The following CDH12 variants were observed in gnomAD, a reference collection of about 807,000 sequenced individuals.
The protein encoded by CDH12 is cadherin 12, also known as cadherin-12.
A neutral mutation model predicts 74.1 loss-of-function variants in CDH12; 41 were observed. The ratio of observed to expected loss-of-function variants is 0.55; its 90% CI spans 0.43 to 0.72. The LOEUF is 0.72. CDH12 is among the 30% of genes least tolerant of loss of function. The pLI is 0.00. For synonymous variants in CDH12, 399 were observed against 355.0 expected (o/e 1.12, Z -1.39); for missense variants, 945 against 977.2 (o/e 0.97, Z 0.44).
intron 4 of CDH12, among the ~76,000 whole-genome samples, chr5:22,125,957 ATTG>A: frequency 1.6e-5 from 1 of 62,398 alleles, no homozygotes; most frequent in East Asian, 6.6e-4. Flanking sequence ...TTTCACTTTC[ATTG>A]TTTTTTTTTT....
chr5:22,512,135 T>C (rs369580285), intron 1 of CDH12, among the ~76,000 whole-genome samples: 1 of 152,136 alleles, frequency 6.6e-6, no homozygotes, highest in East Asian at 1.9e-4. Flanking sequence ...TATAGATACA[T>C]AAGTATTAGA....
chr5:21,913,489 G>A (rs1198616956), intron 6 of CDH12, among the ~76,000 whole-genome samples: 1 of 152,064 alleles, frequency 6.6e-6, no homozygotes, highest in African/African-American at 2.4e-5. Flanking sequence ...CTGTCCGGGT[G>A]CTTAATTCAC....
chr5:21,919,763 A>G (rs1297829859), intron 6 of CDH12, among the ~76,000 whole-genome samples: 2 of 152,152 alleles, frequency 1.3e-5, no homozygotes. Flanking sequence ...ATTAATTAAT[A>G]TTGTAGTTAC....
At chr5:22,231,547 T>C (rs916468446) in intron 3 of CDH12, among the ~76,000 whole-genome samples, 7 of 152,044 alleles carry the variant, frequency 4.6e-5, no homozygotes, top group Non-Finnish European at 1.0e-4. Flanking sequence ...ATTTAGTAGG[T>C]ACCAAGAGAT....
At chr5:22,743,538 C>T (rs1745141832) in intron 1 of CDH12, among the ~76,000 whole-genome samples, 1 of 151,876 alleles carries the variant, frequency 6.6e-6, no homozygotes, top group African/African-American at 2.4e-5. Context: ...TTTTAGCATT[C>T]TCATTTGTAA....
At chr5:22,024,753 A>T (rs1457921949) in intron 5 of CDH12, among the ~76,000 whole-genome samples, 1 of 152,092 alleles carries the variant, frequency 6.6e-6, no homozygotes, top group African/African-American at 2.4e-5. Context: ...ACCTCAAGTG[A>T]TCCACCTGCC....
At chr5:21,878,963 G>GA (rs2150028555) in intron 6 of CDH12, among the ~76,000 whole-genome samples, 1 of 148,118 alleles carries the variant, frequency 6.8e-6, no homozygotes, top group East Asian at 2.0e-4. Flanking sequence ...AGGGAGGGAG[G>GA]AAAAAAAGAA....
intron 2 of CDH12, among the ~76,000 whole-genome samples, chr5:22,498,800 TA>T (rs1394044884): frequency 6.6e-6 from 1 of 151,356 alleles, no homozygotes; most frequent in Non-Finnish European, 1.5e-5. Context: ...TAAATCAAAC[TA>T]ATTATTTTCA....
chr5:22,585,157 G>C (rs1335574769), intron 1 of CDH12, among the ~76,000 whole-genome samples: 1 of 152,124 alleles, frequency 6.6e-6, no homozygotes, highest in African/African-American at 2.4e-5. Flanking sequence ...CGTTGTTTTT[G>C]AAAGAGTTTG....
chr5:22,647,055 G>A (rs1037778167), intron 1 of CDH12, among the ~76,000 whole-genome samples: 1 of 151,780 alleles, frequency 6.6e-6, no homozygotes, highest in Non-Finnish European at 1.5e-5. Flanking sequence ...ATTACTGGGG[G>A]ATAGTTTCAT....
chr5:22,387,783 G>T (rs963048667), intron 3 of CDH12, among the ~76,000 whole-genome samples: 6 of 152,222 alleles, frequency 3.9e-5, no homozygotes, highest in African/African-American at 1.2e-4. Context: ...GCCTCTGTTT[G>T]AGTTCACATG....
intron 1 of CDH12, among the ~76,000 whole-genome samples, chr5:22,533,189 G>C (rs769822546): frequency 6.6e-6 from 1 of 151,912 alleles, no homozygotes; most frequent in Non-Finnish European, 1.5e-5. Flanking sequence ...GGACATTTTT[G>C]GTTGTCATAA....
chr5:22,845,697 T>C (rs985892521), intron 1 of CDH12, among the ~76,000 whole-genome samples: 3 of 152,050 alleles, frequency 2.0e-5, no homozygotes, highest in African/African-American at 7.2e-5. Flanking sequence ...AAGATTTACA[T>C]GAAACAAAGG....
At chr5:22,642,036 A>G (rs1194623296) in intron 1 of CDH12, among the ~76,000 whole-genome samples, 3 of 152,196 alleles carry the variant, frequency 2.0e-5, no homozygotes, top group Non-Finnish European at 4.4e-5. Context: ...TGCCAGGTAA[A>G]TATTTAAGTA....
chr5:22,121,651 TATA>T (rs1360896641), intron 4 of CDH12, among the ~76,000 whole-genome samples: 3 of 152,190 alleles, frequency 2.0e-5, no homozygotes, highest in African/African-American at 7.2e-5. Context: ...GTATAAGCTG[TATA>T]TGAAGTCACT....
chr5:22,387,908 A>G (rs1742068124), intron 3 of CDH12, among the ~76,000 whole-genome samples: 1 of 152,124 alleles, frequency 6.6e-6, no homozygotes, highest in Non-Finnish European at 1.5e-5. Flanking sequence ...TATATAGTTC[A>G]GAGAATATAT....
rs1739469902 is a variant in CDH12 at position 22,570,058 on chromosome 5, T to C, written c.-522-64694A>G. On this transcript the variant is annotated intron_variant, in intron 1 of 14. Coordinates refer to ENST00000382254, the MANE Select transcript of CDH12 (RefSeq NM_004061.5). Reference sequence around the variant, plus strand: ...CGTTTTATTTATTTATTTATTTATTTATTTATTTATTTATTGAGACCGAGT... The same window carrying C: ...CGTTTTATTTATTTATTTATTTATTCATTTATTTATTTATTGAGACCGAGT... Among the ~76,000 whole-genome samples the C allele has an allele frequency of 2.0e-5, 3 of 151,824 alleles. 1 individual carries two copies. The South Asian group carries it at 6.2e-4, about 32-fold the overall frequency.
intron 4 of CDH12, 127 bp downstream of exon 4, chr5:22,212,371 C>T: frequency 5.9e-6 from 2 of 340,524 alleles, no homozygotes; most frequent in Non-Finnish European, 8.3e-6. Flanking sequence ...CTCCAGGAAA[C>T]TTGCTTATAA....
chr5:22,827,221 C>A (rs1008809916), intron 1 of CDH12, among the ~76,000 whole-genome samples: 3 of 152,140 alleles, frequency 2.0e-5, no homozygotes, highest in African/African-American at 7.2e-5. Context: ...TAAGCCATGG[C>A]GTCTTCCATG....
Sources: allele counts gnomAD v4.1 joint callset (sites outside exome capture counted in the v4.1 genomes callset), GRCh38; gene constraint gnomAD v4.1.1; transcripts MANE v1.5; gene names NCBI Gene and HGNC (gene_info 2026-07-23, HGNC 2026-07-21).